The following NR3C2 variants were observed in gnomAD, a reference collection of about 807,000 sequenced individuals.
The protein encoded by NR3C2 is mineralocorticoid receptor.
A neutral mutation model predicts 86.4 loss-of-function variants in NR3C2; 15 were observed. The observed-to-expected ratio is 0.17, with a 90% CI of 0.12 to 0.27. The LOEUF is 0.27. Ranked by LOEUF, NR3C2 falls within the 10% of genes least tolerant of loss-of-function variation. The pLI, the probability that NR3C2 is intolerant of heterozygous loss-of-function variation, is 1.00. For synonymous variants in NR3C2, 458 were observed against 450.5 expected (o/e 1.02, Z -0.21); for missense variants, 960 against 1,195.6 (o/e 0.80, Z 2.91).
chr4:148,243,626 A>G (rs543223796), intron 3 of NR3C2, among the ~76,000 whole-genome samples: 3 of 152,358 alleles, frequency 2.0e-5, no homozygotes, highest in African/African-American at 7.2e-5. Context: ...TTTAACAAAT[A>G]CAATTTCCAC....
chr4:148,435,856 G>T lies in NR3C2; in HGVS notation c.1005C>A (p.Ser335Arg). 2 of 1,614,182 alleles carry T rather than the reference G, an allele frequency of 1.2e-6. No homozygotes were observed. Among genetic ancestry groups the T allele is most frequent in the Non-Finnish European group, 1.7e-6 (2 of 1,180,020 alleles). The change falls in exon 2 of 9, where the codon AGC becomes AGA. Residue 335 changes from serine to arginine, a missense_variant. Physicochemically the swap from Ser to Arg is moderately radical, Grantham distance 110. This residue lies in a region of NR3C2 where 680 missense variants were observed against 719.0 expected (regional missense o/e 0.95). Coordinates refer to ENST00000358102, the MANE Select transcript of NR3C2 (RefSeq NM_000901.5). ...PAASTVGSICSPVNNAFSYTA... is the reference protein window; with the variant it reads ...PAASTVGSICRPVNNAFSYTA... ...TGTAGCTGAAGGCATTGTTTACAGG[G>T]CTACAGATAGATCCCACAGTACTGG...
chr4:148,186,071 T>G (rs61293113), intron 4 of NR3C2, among the ~76,000 whole-genome samples: 1 of 152,226 alleles, frequency 6.6e-6, no homozygotes, highest in African/African-American at 2.4e-5. Context: ...ACCAATTTAT[T>G]CTCCCACCTG....
chr4:148,332,286 T>C (rs769335920), intron 2 of NR3C2, among the ~76,000 whole-genome samples: 1 of 152,210 alleles, frequency 6.6e-6, no homozygotes, highest in Non-Finnish European at 1.5e-5. Flanking sequence ...CATCACTTTT[T>C]TGCCTGAGAT....
At chr4:148,085,492 A>G (rs1560912543) in intron 8 of NR3C2, among the ~76,000 whole-genome samples, 1 of 152,250 alleles carries the variant, frequency 6.6e-6, no homozygotes, top group Non-Finnish European at 1.5e-5. Context: ...CAGCTAAAGC[A>G]GTGTTCAGAC....
At chr4:148,090,992 G>T (rs1034677988) in intron 8 of NR3C2, among the ~76,000 whole-genome samples, 1 of 152,244 alleles carries the variant, frequency 6.6e-6, no homozygotes, top group African/African-American at 2.4e-5. Flanking sequence ...GTGGATGGGG[G>T]TGGTGTCACC....
intron 2 of NR3C2, among the ~76,000 whole-genome samples, chr4:148,424,190 A>C (rs1211740513): frequency 2.6e-5 from 4 of 152,248 alleles, no homozygotes; most frequent in African/African-American, 9.6e-5. Context: ...GCACATGAGA[A>C]GATGTTTGGT....
chr4:148,169,930 C>T (rs1008863956), intron 4 of NR3C2, among the ~76,000 whole-genome samples: 1 of 152,108 alleles, frequency 6.6e-6, no homozygotes, highest in African/African-American at 2.4e-5. Flanking sequence ...CCTAAAGGTT[C>T]TGAATGAGAT....
At chr4:148,296,166 C>A (rs1447671864) in intron 2 of NR3C2, among the ~76,000 whole-genome samples, 1 of 150,426 alleles carries the variant, frequency 6.6e-6, no homozygotes, top group Non-Finnish European at 1.5e-5. Context: ...AATCAATGAT[C>A]AAAATGTATT....
intron 3 of NR3C2, among the ~76,000 whole-genome samples, chr4:148,216,517 G>C (rs1344683483): frequency 6.6e-6 from 1 of 152,110 alleles, no homozygotes; most frequent in Non-Finnish European, 1.5e-5. Context: ...AAGCAGACAG[G>C]CTCTGGCACC....
intron 3 of NR3C2, among the ~76,000 whole-genome samples, chr4:148,219,923 A>G (rs1737747041): frequency 6.6e-6 from 1 of 152,092 alleles, no homozygotes; most frequent in Non-Finnish European, 1.5e-5. Context: ...GGGATTTTCA[A>G]TAATTTTTTC....
At chr4:148,225,200 G>A (rs2149832188) in intron 3 of NR3C2, among the ~76,000 whole-genome samples, 1 of 152,212 alleles carries the variant, frequency 6.6e-6, no homozygotes, top group African/African-American at 2.4e-5. Flanking sequence ...GCTTACTCAA[G>A]AAGCTAGAGA....
Position 148,435,702 on chromosome 4 carries a change from C to G in NR3C2, c.1159G>C (p.Gly387Arg). Residue 387 changes from glycine to arginine, a missense_variant, in exon 2 of 9, where the codon GGT becomes CGT. Coordinates refer to ENST00000358102, the MANE Select transcript of NR3C2 (RefSeq NM_000901.5). ...ACAATATTAAGCTGGCCAGTCACAC[C>G]ATTTGAGATGGCACTCTCTACTTCC... is the stretch of plus-strand genomic sequence containing the variant. ...TEEVESAISNGVTGQLNIVQY... is the reference protein window; with the variant it reads ...TEEVESAISNRVTGQLNIVQY... 6.2e-7 allele frequency: 1 copy of G among 1,614,150 alleles called. No individual in the cohort carries two copies. Among genetic ancestry groups the G allele is most frequent in the Non-Finnish European group, 8.5e-7 (1 of 1,180,032 alleles).
At chr4:148,364,413 T>C (rs1230382764) in intron 2 of NR3C2, among the ~76,000 whole-genome samples, 1 of 152,180 alleles carries the variant, frequency 6.6e-6, no homozygotes, top group Non-Finnish European at 1.5e-5. Context: ...GTAATCTTCT[T>C]TGCTTCCATG....
Position 148,154,788 on chromosome 4 carries a change from A to G in NR3C2, c.2128T>C (p.Tyr710His). ...GAGGGTTCTTTTGCAGGAGCGATGT[A>G]CGTTGTCCCTTCCTCTGGGCTTTGC... ...PPQSPEEGTT[Y>H]IAPAKEPSVN... The change falls in exon 5 of 9, where the codon TAC becomes CAC. Residue 710 changes from tyrosine (Y) to histidine (H), a missense_variant. By Grantham distance (83) the Tyr-to-His change is moderately conservative. This residue lies in a region of NR3C2 where 82 missense variants were observed against 73.0 expected (regional missense o/e 1.12). Transcript: ENST00000358102. 2.3e-6 allele frequency: 3 copies of G among 1,307,786 alleles called. No homozygotes were observed. Among genetic ancestry groups the G allele is most frequent in the Non-Finnish European group, 3.0e-6 (3 of 993,354 alleles). 81.0% of individuals were successfully genotyped at this position (1,307,786 alleles called of 1,614,324 possible).
chr4:148,241,905 T>C (rs1025937592), intron 3 of NR3C2, among the ~76,000 whole-genome samples: 4 of 152,166 alleles, frequency 2.6e-5, no homozygotes, highest in Non-Finnish European at 4.4e-5. Context: ...TAAAAATATT[T>C]TATTAAGAAC....
chr4:148,162,764 C>T (rs952242193), intron 4 of NR3C2, among the ~76,000 whole-genome samples: 3 of 152,108 alleles, frequency 2.0e-5, no homozygotes, highest in Non-Finnish European at 4.4e-5. Flanking sequence ...AGAGGTGGCT[C>T]GTGCCTCCCT....
intron 2 of NR3C2, among the ~76,000 whole-genome samples, chr4:148,382,668 G>A (rs1747059171): frequency 6.6e-6 from 1 of 151,994 alleles, no homozygotes; most frequent in Non-Finnish European, 1.5e-5. Flanking sequence ...GGCTAGTCTA[G>A]GTATTTTAAT....
At chr4:148,188,257 ATGG>A (rs1377272254) in intron 4 of NR3C2, among the ~76,000 whole-genome samples, 1 of 152,016 alleles carries the variant, frequency 6.6e-6, no homozygotes, top group African/African-American at 2.4e-5. Context: ...GCGAAGAATG[ATGG>A]TGGTATTCTG....
At chr4:148,363,846 A>C (rs1015131567) in intron 2 of NR3C2, among the ~76,000 whole-genome samples, 1 of 152,086 alleles carries the variant, frequency 6.6e-6, no homozygotes, top group Non-Finnish European at 1.5e-5. Context: ...TATCACTTCA[A>C]AGGGGTAAAA....
Sources: allele counts gnomAD v4.1 joint callset (sites outside exome capture counted in the v4.1 genomes callset), GRCh38; gene constraint gnomAD v4.1.1; regional missense constraint gnomAD v4.1.1; transcripts MANE v1.5; gene names NCBI Gene and HGNC (gene_info 2026-07-23, HGNC 2026-07-21).